ZNF385D: variants seen among roughly 807,000 people sequenced by gnomAD.
The protein encoded by ZNF385D is zinc finger protein 659.
Under a neutral mutation model 35.8 loss-of-function variants are expected in ZNF385D, and 15 were observed. The observed-to-expected ratio is 0.42, with a 90% confidence interval of 0.28 to 0.64. The LOEUF is 0.64. ZNF385D is among the 30% of genes least tolerant of loss of function. The pLI is 0.23. For missense variants in ZNF385D, 474 were observed against 494.6 expected, an observed-to-expected ratio of 0.96 and a Z score of 0.39; for synonymous variants, 212 against 186.8, an observed-to-expected ratio of 1.13 and a Z score of -1.10.
At chr3:22,005,088 A>G (rs1696118095) in intron 3 of ZNF385D, among the ~76,000 whole-genome samples, 1 of 145,052 alleles carries the variant, frequency 6.9e-6, no homozygotes, top group Non-Finnish European at 1.5e-5. Flanking sequence ...AAAAAAAGGC[A>G]GAAAAGCAGA....
chr3:22,185,831 T>A (rs1304755126), intron 2 of ZNF385D, among the ~76,000 whole-genome samples: 2 of 152,174 alleles, frequency 1.3e-5, no homozygotes. Flanking sequence ...GAGAAAGATG[T>A]TATTTTGTCT....
rs1447783668 is a variant in ZNF385D, at chr3:22,094,964, G to A, written c.325+73853C>T. 3.3e-5 allele frequency among the ~76,000 whole-genome samples: 5 copies of A among 151,914 alleles called. No homozygotes were observed. In the South Asian group the frequency reaches 6.2e-4, roughly 19 times the overall value. ...TCTGTTACCCAAGGTGGAGTATAGT[G>A]GCTCATGATCATAGCTCACTGTTAC... On this transcript the variant is annotated intron_variant, in intron 3 of 5. Transcript: ENST00000494108.
In ZNF385D at chr3:21,980,486, T is replaced by G. The variant is rs182681423; in HGVS notation, c.325+188331A>C. On this transcript the variant is annotated intron_variant, in intron 3 of 5. Coordinates refer to the ZNF385D transcript ENST00000494108. ...TGAAAAACAGTGTCATATGAACTTA[T>G]AAAACACAACAACTCTTGGAATGAA... Among the ~76,000 whole-genome samples the G allele has an allele frequency of 3.3e-5, 5 of 152,318 alleles. No individual in the cohort carries two copies. The East Asian group carries it at 7.7e-4, about 24-fold the overall frequency.
At chr3:21,506,154 C>T (rs1706758568) in intron 4 of ZNF385D, among the ~76,000 whole-genome samples, 1 of 152,066 alleles carries the variant, frequency 6.6e-6, no homozygotes, top group Non-Finnish European at 1.5e-5. Flanking sequence ...TCTTGCCTGC[C>T]CCATTGTAAT....
At chr3:22,134,115 A>G (rs1703964313) in intron 3 of ZNF385D, 1 of 152,122 alleles carries the variant, frequency 6.6e-6, no homozygotes, top group South Asian at 2.1e-4. Flanking sequence ...AAATTGCCTA[A>G]ATACACCAAC....
At chr3:21,937,520 T>C (rs896557851) in intron 3 of ZNF385D, among the ~76,000 whole-genome samples, 5 of 152,140 alleles carry the variant, frequency 3.3e-5, no homozygotes, top group African/African-American at 1.2e-4. Flanking sequence ...AAAAGATGTT[T>C]TGTGTTAATG....
intron 3 of ZNF385D, among the ~76,000 whole-genome samples, chr3:22,165,993 A>T (rs1304603627): frequency 6.6e-6 from 1 of 152,162 alleles, no homozygotes; most frequent in Non-Finnish European, 1.5e-5. Flanking sequence ...CCTCTCAGAT[A>T]ATGTGATTGA....
chr3:21,877,436 GTTAGA>G (rs1195653039), intron 3 of ZNF385D, among the ~76,000 whole-genome samples: 2 of 152,058 alleles, frequency 1.3e-5, no homozygotes, highest in African/African-American at 4.8e-5. Context: ...CCAGAAACGT[GTTAGA>G]TTAGAAGGAT....
intron 3 of ZNF385D, among the ~76,000 whole-genome samples, chr3:21,898,603 C>T (rs111384153): frequency 6.6e-6 from 1 of 152,074 alleles, no homozygotes; most frequent in Non-Finnish European, 1.5e-5. Flanking sequence ...TGCAACATCT[C>T]TAGTCATTGT....
intron 2 of ZNF385D, among the ~76,000 whole-genome samples, chr3:22,239,584 C>T (rs904072863): frequency 2.0e-5 from 3 of 150,498 alleles, no homozygotes; most frequent in African/African-American, 7.4e-5. Flanking sequence ...CAGACTATTC[C>T]TGTATTTTAT....
At chr3:22,213,295 T>G (rs754785065) in intron 2 of ZNF385D, among the ~76,000 whole-genome samples, 1 of 152,088 alleles carries the variant, frequency 6.6e-6, no homozygotes, top group African/African-American at 2.4e-5. Flanking sequence ...TTGTTTTGTA[T>G]TTTTTATATT....
At chr3:21,442,597 C>T (rs981427018) in intron 4 of ZNF385D, among the ~76,000 whole-genome samples, 4 of 152,036 alleles carry the variant, frequency 2.6e-5, no homozygotes, top group African/African-American at 4.8e-5. Flanking sequence ...TGAGCCCATA[C>T]CACACTCTTA....
At chr3:21,992,148 T>C (rs1173455989) in intron 3 of ZNF385D, among the ~76,000 whole-genome samples, 1 of 152,162 alleles carries the variant, frequency 6.6e-6, no homozygotes, top group African/African-American at 2.4e-5. Context: ...GCTACCATTT[T>C]TACCTCCACT....
intron 1 of ZNF385D, among the ~76,000 whole-genome samples, chr3:21,736,962 C>A (rs189849287): frequency 1.3e-5 from 2 of 152,082 alleles, no homozygotes; most frequent in Non-Finnish European, 2.9e-5. Flanking sequence ...TTTTTTGAGG[C>A]GGAGTCTCGC....
chr3:21,813,121 C>A (rs1448078422), intron 3 of ZNF385D, among the ~76,000 whole-genome samples: 2 of 152,224 alleles, frequency 1.3e-5, no homozygotes, highest in African/African-American at 4.8e-5. Flanking sequence ...AACAGACCTG[C>A]AGCTGAGGGT....
chr3:21,823,633 A>G (rs1337065476), intron 3 of ZNF385D, among the ~76,000 whole-genome samples: 11 of 152,204 alleles, frequency 7.2e-5, no homozygotes, highest in African/African-American at 2.4e-4. Context: ...GTCAATAGCA[A>G]TATCTCAGAA....
intron 1 of ZNF385D, among the ~76,000 whole-genome samples, chr3:21,728,632 G>T (rs1443247916): frequency 6.6e-6 from 1 of 152,088 alleles, no homozygotes; most frequent in Admixed American, 6.6e-5. Flanking sequence ...AATTCTTACA[G>T]CATCAAAACA....
At chr3:21,651,699 A>G (rs2065919539) in intron 2 of ZNF385D, among the ~76,000 whole-genome samples, 1 of 152,204 alleles carries the variant, frequency 6.6e-6, no homozygotes, top group Non-Finnish European at 1.5e-5. Flanking sequence ...GAGTTCTGTG[A>G]CACATATAGT....
intron 3 of ZNF385D, among the ~76,000 whole-genome samples, chr3:21,898,271 T>C (rs1438300884): frequency 6.6e-6 from 1 of 152,160 alleles, no homozygotes; most frequent in Non-Finnish European, 1.5e-5. Context: ...TGGGCACATA[T>C]TCGCTAATAA....
Sources: allele counts gnomAD v4.1 joint callset (sites outside exome capture counted in the v4.1 genomes callset), GRCh38; gene constraint gnomAD v4.1.1; transcripts MANE v1.5; gene names NCBI Gene and HGNC (gene_info 2026-07-23, HGNC 2026-07-21).